The following DCC variants were observed in gnomAD, a reference collection of about 807,000 sequenced individuals.
DCC encodes netrin receptor DCC.
In DCC, 58 loss-of-function variants were observed where a neutral mutation model predicts 172.5. The observed-to-expected ratio is 0.34, with a 90% CI of 0.27 to 0.42. The LOEUF (loss-of-function observed/expected upper bound fraction) is 0.42, where lower values mean the gene tolerates loss of function less well. Ranked by LOEUF, DCC falls within the 10% of genes least tolerant of loss-of-function variation. The probability of loss-of-function intolerance (pLI) is 1.00; values close to 1 mark genes in which losing one functional copy is unlikely to be tolerated. For synonymous variants in DCC, 709 were observed against 644.5 expected (o/e 1.10, Z -1.52); for missense variants, 1,740 against 1,791.0 (o/e 0.97, Z 0.51).
chr18:53,232,829 C>A (rs1178655227), intron 12 of DCC, among the ~76,000 whole-genome samples: 1 of 152,140 alleles, frequency 6.6e-6, no homozygotes, highest in Non-Finnish European at 1.5e-5. Context: ...AACTTCAAAA[C>A]CATCCTATAT....
At chr18:52,784,651 A>G (rs1256517039) in intron 2 of DCC, among the ~76,000 whole-genome samples, 1 of 151,954 alleles carries the variant, frequency 6.6e-6, no homozygotes, top group Non-Finnish European at 1.5e-5. Flanking sequence ...TCTCATTGTG[A>G]TGACTGATGA....
intron 1 of DCC, among the ~76,000 whole-genome samples, chr18:52,679,948 A>C (rs1427050599): frequency 6.6e-6 from 1 of 152,162 alleles, no homozygotes; most frequent in Non-Finnish European, 1.5e-5. Context: ...ACTAGAATAA[A>C]AGGTCAAATA....
At chr18:52,894,046 A>G (rs1408278625) in intron 2 of DCC, among the ~76,000 whole-genome samples, 1 of 152,068 alleles carries the variant, frequency 6.6e-6, no homozygotes, top group Non-Finnish European at 1.5e-5. Context: ...TTCTTTACAC[A>G]TGTTGCTTCT....
chr18:53,403,749 TAAC>T (rs1160661634), intron 19 of DCC, among the ~76,000 whole-genome samples: 3 of 152,194 alleles, frequency 2.0e-5, no homozygotes, highest in African/African-American at 4.8e-5. Context: ...TATTATAAAT[TAAC>T]AAAGTAATTC....
chr18:52,871,655 A>C (rs897412096), intron 2 of DCC, among the ~76,000 whole-genome samples: 1 of 152,100 alleles, frequency 6.6e-6, no homozygotes, highest in African/African-American at 2.4e-5. Context: ...GGGTCTTGTC[A>C]TCTTGCCCAG....
At chr18:52,768,080 C>A (rs1323227417) in intron 2 of DCC, among the ~76,000 whole-genome samples, 1 of 152,140 alleles carries the variant, frequency 6.6e-6, no homozygotes, top group African/African-American at 2.4e-5. Context: ...TTCTTCTATG[C>A]CAGTAAAATC....
rs1327858889 is a variant in DCC at position 53,157,506 on chromosome 18, A to G, written c.1412A>G (p.Asp471Gly). Residue 471 changes from aspartate (D) to glycine (G), a missense_variant, in exon 8 of 29, where the codon GAC (aspartate) becomes GGC (glycine). This residue lies in a region of DCC where 1,732 missense variants were observed against 1,767.4 expected (regional missense o/e 0.98). Transcript: ENST00000442544. ...TFTVFFSREGDNRERALNTTQ... is the reference protein window; with the variant it reads ...TFTVFFSREGGNRERALNTTQ... ...ACGGTCTTTTTCTCCAGAGAAGGTG[A>G]CAACAGGTAGGTGATGCTACCAATA... 6.2e-7 allele frequency: 1 copy of G among 1,613,948 alleles called. No individual in the cohort carries two copies. Among genetic ancestry groups the G allele is most frequent in the Non-Finnish European group, 8.5e-7 (1 of 1,179,962 alleles).
At chr18:53,195,253 A>G (rs370909473) in intron 9 of DCC, among the ~76,000 whole-genome samples, 10 of 152,174 alleles carry the variant, frequency 6.6e-5, no homozygotes, top group African/African-American at 2.2e-4. Flanking sequence ...TTTCTATGTG[A>G]TTTTGTCAAA....
At chr18:52,398,419 C>A (rs1311839449) in intron 1 of DCC, among the ~76,000 whole-genome samples, 1 of 151,890 alleles carries the variant, frequency 6.6e-6, no homozygotes, top group Non-Finnish European at 1.5e-5. Context: ...CTTGATCATT[C>A]TTCTGGCACT....
At chr18:53,070,254 C>A (rs1324349466) in intron 7 of DCC, among the ~76,000 whole-genome samples, 1 of 152,142 alleles carries the variant, frequency 6.6e-6, no homozygotes, top group Non-Finnish European at 1.5e-5. Context: ...CCTGTCTCGG[C>A]CTCACAAAGT....
intron 3 of DCC, among the ~76,000 whole-genome samples, chr18:52,912,039 A>C (rs769723179): frequency 2.0e-5 from 3 of 152,000 alleles, no homozygotes; most frequent in Non-Finnish European, 2.9e-5. Flanking sequence ...GCTAACATTG[A>C]CTTAACATTG....
chr18:53,015,488 C>T (rs1249946171), intron 5 of DCC, among the ~76,000 whole-genome samples: 1 of 152,092 alleles, frequency 6.6e-6, no homozygotes, highest in Non-Finnish European at 1.5e-5. Context: ...TTGCTAGTGG[C>T]TTTAGATGCC....
At chr18:53,217,294 CACACACATAT>C (rs1424498017) in intron 12 of DCC, among the ~76,000 whole-genome samples, 86 of 115,678 alleles carry the variant, frequency 7.4e-4, no homozygotes, top group African/African-American at 2.9e-3. Flanking sequence ...CACACACACA[CACACACATAT>C]GTATATACAC....
chr18:52,418,645 A>C (rs958229277), intron 1 of DCC, among the ~76,000 whole-genome samples: 1 of 152,092 alleles, frequency 6.6e-6, no homozygotes, highest in Non-Finnish European at 1.5e-5. Flanking sequence ...AGTCACAAGC[A>C]GTGGGTCCAA....
chr18:52,694,761 C>T (rs2035985806), intron 1 of DCC, among the ~76,000 whole-genome samples: 1 of 151,990 alleles, frequency 6.6e-6, no homozygotes, highest in African/African-American at 2.4e-5. Flanking sequence ...GTCCTGCCTG[C>T]CTAATGGCAT....
intron 1 of DCC, among the ~76,000 whole-genome samples, chr18:52,751,324 C>T (rs191277273): frequency 1.1e-3 from 173 of 152,276 alleles, no homozygotes; most frequent in Non-Finnish European, 2.2e-3. Flanking sequence ...CTTGCTTCCT[C>T]CCCTCAAGAT....
At chr18:53,139,957 A>G (rs753930096) in intron 7 of DCC, among the ~76,000 whole-genome samples, 7 of 152,222 alleles carry the variant, frequency 4.6e-5, no homozygotes, top group Non-Finnish European at 7.3e-5. Context: ...GACGGTATTT[A>G]TCTTGCTTAC....
intron 14 of DCC, among the ~76,000 whole-genome samples, chr18:53,336,936 GT>G (rs1311614702): frequency 6.6e-6 from 1 of 152,114 alleles, no homozygotes; most frequent in Non-Finnish European, 1.5e-5. Context: ...ATCTTCTTAC[GT>G]ACTAACATTT....
chr18:53,155,685 C>A (rs2054719689), intron 7 of DCC, among the ~76,000 whole-genome samples: 1 of 152,206 alleles, frequency 6.6e-6, no homozygotes, highest in Non-Finnish European at 1.5e-5. Flanking sequence ...CATTTCTGCT[C>A]TTAATTTTCT....
Sources: gnomAD v4.1 joint callset for allele counts (sites outside exome capture counted in the v4.1 genomes callset) on GRCh38, gnomAD v4.1.1 for gene constraint, gnomAD v4.1.1 regional missense constraint, MANE v1.5 for transcripts, NCBI Gene and HGNC (gene_info 2026-07-23, HGNC 2026-07-21) for gene names.